Variants in PCNT observed in about 807,000 individuals in gnomAD.
PCNT encodes kendrin.
PCNT carries 319 observed loss-of-function variants against 380.4 expected under a neutral mutation model. The observed-to-expected ratio is 0.84, with a 90% confidence interval of 0.77 to 0.92. PCNT has a LOEUF of 0.92. Ranked by LOEUF, PCNT falls within the 40% of genes least tolerant of loss-of-function variation. PCNT has a pLI of 0.00. For missense variants in PCNT, 4,400 were observed against 4,255.3 expected (o/e 1.03, Z -0.95); for synonymous variants, 1,845 against 1,735.2 (o/e 1.06, Z -1.57).
chr21:46,354,422 G>C (rs1232850047), intron 11 of PCNT, among the ~76,000 whole-genome samples: 1 of 152,216 alleles, frequency 6.6e-6, no homozygotes, highest in Non-Finnish European at 1.5e-5. Context: ...AGCGTCTGCT[G>C]GCTTTTGTGT....
At position 46,359,480 on chromosome 21, in the gene PCNT, G is replaced by GTTTTTTTTTTTTTTTTTTTTTTTTTTTT. The variant is rs1478908165; in HGVS notation, c.2154+2299_2154+2300insTTTTTTTTTTTTTTTTTTTTTTTTTTTT. Among the ~76,000 whole-genome samples, 33 of 65,748 alleles carry GTTTTTTTTTTTTTTTTTTTTTTTTTTTT rather than the reference G, an allele frequency of 5.0e-4. 11 individuals are homozygous for GTTTTTTTTTTTTTTTTTTTTTTTTTTTT. The highest frequency in any genetic ancestry group is 1.8e-3 in the Admixed American group (9 of 4,876). 43.1% of individuals were successfully genotyped at this position (65,748 alleles called of 152,430 possible). On this transcript the variant is annotated intron_variant, in intron 13 of 46. Transcript: ENST00000359568. ...TAGTATTCTGTCCAAAAATACACCT[G>GTTTTTTTTTTTTTTTTTTTTTTTTTTTT]TTTTTTTTTTGTTTTTTTTTTTTTT...
chr21:46,366,540 C>G (rs1459251100), intron 14 of PCNT, 44 bp from the exon 15 acceptor site: 7 of 1,537,138 alleles, frequency 4.6e-6, no homozygotes, highest in Non-Finnish European at 6.3e-6. Flanking sequence ...GTCATTGCTT[C>G]CTGATGCATG....
chr21:46,397,940 C>G (rs564652800), intron 22 of PCNT, 74 bp from the exon 23 acceptor site: 74 of 1,152,188 alleles, frequency 6.4e-5, no homozygotes, highest in South Asian at 1.2e-4. Flanking sequence ...GCAGTGGAAG[C>G]CTGGGTGGAC....
At chr21:46,354,470 A>G (rs1254704825) in intron 11 of PCNT, among the ~76,000 whole-genome samples, 15 of 152,200 alleles carry the variant, frequency 9.9e-5, no homozygotes, top group South Asian at 2.1e-4. Flanking sequence ...GACTTCTGTC[A>G]CCTTTAACTT....
chr21:46,325,677 C>T (rs745828733), intron 1 of PCNT, among the ~76,000 whole-genome samples: 37 of 152,288 alleles, frequency 2.4e-4, no homozygotes, highest in South Asian at 6.2e-4. Context: ...GAACAGATGT[C>T]TCCCCGTGAA....
At chr21:46,363,252 C>T (rs574267925) in intron 13 of PCNT, among the ~76,000 whole-genome samples, 24 of 152,238 alleles carry the variant, frequency 1.6e-4, no homozygotes, top group Admixed American at 8.5e-4. Context: ...AAAGAACAGT[C>T]GGTTCTCGGT....
At chr21:46,387,681 C>A (rs1391088859) in intron 17 of PCNT, among the ~76,000 whole-genome samples, 2 of 152,150 alleles carry the variant, frequency 1.3e-5, no homozygotes, top group Non-Finnish European at 2.9e-5. Flanking sequence ...TTTCGCGGGG[C>A]CTGCACGACA....
intron 32 of PCNT, among the ~76,000 whole-genome samples, chr21:46,423,067 G>A (rs534793178): frequency 1.3e-5 from 2 of 152,170 alleles, no homozygotes; most frequent in East Asian, 3.9e-4. Flanking sequence ...GGGCAACATA[G>A]TAAGACCCCT....
Position 46,442,542 on chromosome 21 carries a change from A to G in PCNT, c.9669A>G (p.Gly3223=), listed in dbSNP as rs771096271. The change falls in exon 44 of 47, where the codon GGA becomes GGG. Residue 3223 remains glycine (G), a synonymous_variant. Transcript: ENST00000359568. Reference sequence around the variant, plus strand: ...AATGGCAAGAAGTAGATCGGAAAGGAGCTCTGGCACAAGGCAAAGCCCCTC... The same window carrying G: ...AATGGCAAGAAGTAGATCGGAAAGGGGCTCTGGCACAAGGCAAAGCCCCTC... ...VKKWQEVDRK[G]ALAQGKAPRP... is the part of the protein sequence containing the mutation. 5 of 1,612,452 alleles carry G rather than the reference A, an allele frequency of 3.1e-6. No individual in the cohort carries two copies. The African/African-American group carries it at 6.7e-5, about 22-fold the overall frequency.
At chr21:46,423,909 C>T (rs576414217) in intron 32 of PCNT, among the ~76,000 whole-genome samples, 1 of 152,076 alleles carries the variant, frequency 6.6e-6, no homozygotes, top group East Asian at 1.9e-4. Context: ...GGTCCCAAGT[C>T]CAGTTGAAAA....
Position 46,385,824 on chromosome 21 carries a change from C to T in PCNT, c.3313-8C>T. On this transcript the variant is annotated splice_polypyrimidine_tract_variant and splice_region_variant and intron_variant, in intron 16 of 46. Coordinates refer to ENST00000359568, the MANE Select transcript of PCNT (RefSeq NM_006031.6). ...TTTAACGAAAGCTTTAACCATTTTT[C>T]TCGATAGCTGAAAGACCAGGTTTTA... 6.2e-7 allele frequency: 1 copy of T among 1,614,156 alleles called. No homozygotes were observed. The highest frequency in any genetic ancestry group is 2.2e-5 in the East Asian group (1 of 44,890).
chr21:46,407,385 A>G (rs955400237), intron 27 of PCNT, among the ~76,000 whole-genome samples: 1 of 122,916 alleles, frequency 8.1e-6, no homozygotes, highest in African/African-American at 3.3e-5. Flanking sequence ...TCCGTCACCC[A>G]GGCTGGAGTG....
chr21:46,438,420 T>C (rs2148063407), intron 41 of PCNT, 83 bp downstream of exon 41: 31 of 1,279,592 alleles, frequency 2.4e-5, no homozygotes, highest in Non-Finnish European at 3.5e-5. Flanking sequence ...GAGGCCGGGC[T>C]CCCTTTAGGG....
rs766460016 is a variant in PCNT, at chr21:46,411,809, C to T, written c.5736C>T (p.Ala1912=). The T allele has an allele frequency of 9.7e-5, 153 of 1,584,908 alleles. 1 individual carries two copies. The Admixed American group carries it at 2.0e-3, about 21-fold the overall frequency. Residue 1912 remains alanine (A), a synonymous_variant, in exon 28 of 47, where the codon GCC becomes GCT. Transcript: ENST00000359568. Reference sequence around the variant, plus strand: ...CCCTGGAGCAGCAGCCCCTGGCAGCCGGGGCGGCGCCTCCCGAGCTGCAGT... The same window carrying T: ...CCCTGGAGCAGCAGCCCCTGGCAGCTGGGGCGGCGCCTCCCGAGCTGCAGT... ...RRALEQQPLA[A]GAAPPELQWL... is the part of the protein sequence containing the mutation.
chr21:46,375,123 C>G (rs2085293878), intron 15 of PCNT, among the ~76,000 whole-genome samples: 1 of 152,106 alleles, frequency 6.6e-6, no homozygotes, highest in Non-Finnish European at 1.5e-5. Flanking sequence ...AGCTTGATTT[C>G]TTTTTGATAG....
At chr21:46,325,835 G>A (rs916290495) in intron 1 of PCNT, among the ~76,000 whole-genome samples, 1 of 152,212 alleles carries the variant, frequency 6.6e-6, no homozygotes, top group African/African-American at 2.4e-5. Flanking sequence ...TGTCCCTGGT[G>A]CTTTGGTGAG....
rs777368273 is a variant in PCNT at position 46,354,087 on chromosome 21, A to G, written c.1761+19A>G. 5.0e-6 allele frequency: 8 copies of G among 1,606,980 alleles called. No individual in the cohort carries two copies. Among genetic ancestry groups the G allele is most frequent in the Middle Eastern group, 1.7e-4 (1 of 6,028 alleles). On this transcript the variant is annotated intron_variant, in intron 11 of 46. Coordinates refer to ENST00000359568, the MANE Select transcript of PCNT (RefSeq NM_006031.6). ...ACATAAGGTAATTGGCCGCGCGCTG[A>G]GAAGTGGGGGAGTCCTGTGCTCTTG...
chr21:46,328,622 A>C (rs746090114), intron 2 of PCNT, among the ~76,000 whole-genome samples: 34 of 150,214 alleles, frequency 2.3e-4, no homozygotes, highest in Non-Finnish European at 4.3e-4. Context: ...CACCAAACCC[A>C]GCTAATTTTT....
At chr21:46,427,833 C>T (rs375181010) in intron 34 of PCNT, 38 bp downstream of exon 34, 12 of 1,607,408 alleles carry the variant, frequency 7.5e-6, no homozygotes, top group Non-Finnish European at 8.5e-7. Flanking sequence ...CAGTTTGCCC[C>T]AGGGGTCCAG....
Sources: allele counts gnomAD v4.1 joint callset (sites outside exome capture counted in the v4.1 genomes callset), GRCh38; gene constraint gnomAD v4.1.1; transcripts MANE v1.5; gene names NCBI Gene and HGNC (gene_info 2026-07-23, HGNC 2026-07-21).